Variants in OTOP1 observed in about 807,000 individuals in gnomAD.
The protein encoded by OTOP1 is proton channel OTOP1.
A neutral mutation model predicts 52.9 loss-of-function variants in OTOP1; 59 were observed. The observed-to-expected ratio is 1.12, with a 90% CI of 0.91 to 1.39. The LOEUF is 1.39. Ranked by LOEUF, OTOP1 falls within the 40% of genes most tolerant of loss-of-function variation. The pLI is 0.00. For synonymous variants in OTOP1, 317 were observed against 337.7 expected (o/e 0.94, Z 0.67); for missense variants, 761 against 800.9 (o/e 0.95, Z 0.60).
chr4:4,197,961 G>T lies in OTOP1; in HGVS notation c.873C>A (p.Asn291Lys). The change falls in exon 5 of 6, where the codon AAC (asparagine) becomes AAA (lysine). Residue 291 changes from asparagine to lysine, a missense_variant. Coordinates refer to ENST00000296358, the MANE Select transcript of OTOP1 (RefSeq NM_177998.3). ...GATGGCTGTCAACTTTGCGCCCGAT[G>T]TTCTTCCACAGGACGTAGAGCATTG... ...ASTMLYVLWK[N>K]IGRKVDSHQH... is the part of the protein sequence containing the mutation. 1.9e-6 allele frequency: 3 copies of T among 1,614,060 alleles called. No homozygotes were observed. Among genetic ancestry groups the T allele is most frequent in the Non-Finnish European group, 2.5e-6 (3 of 1,180,022 alleles).
intron 1 of OTOP1, among the ~76,000 whole-genome samples, chr4:4,218,808 A>G (rs1017947299): frequency 5.3e-5 from 8 of 152,190 alleles, no homozygotes; most frequent in Middle Eastern, 6.8e-3. Flanking sequence ...GGGCACCTGT[A>G]GTCCCAGCTA....
intron 4 of OTOP1, among the ~76,000 whole-genome samples, chr4:4,198,403 T>C (rs1300738449): frequency 6.6e-6 from 1 of 151,668 alleles, no homozygotes; most frequent in African/African-American, 2.4e-5. Context: ...GATAGATGGA[T>C]ACACACACAC....
chr4:4,210,418 G>T (rs1434239294), intron 2 of OTOP1, among the ~76,000 whole-genome samples: 1 of 152,194 alleles, frequency 6.6e-6, no homozygotes, highest in African/African-American at 2.4e-5. Flanking sequence ...AGAAATCCAA[G>T]ATCAAGGTGT....
At position 4,204,712 on chromosome 4, in the gene OTOP1, C is replaced by CTGTG. The variant is rs10526016; in HGVS notation, c.599+1356_599+1359dup. Among the ~76,000 whole-genome samples, 464 of 149,984 alleles carry CTGTG rather than the reference C, an allele frequency of 3.1e-3. 2 individuals are homozygous for CTGTG. Among genetic ancestry groups the CTGTG allele is most frequent in the East Asian group, 0.015 (77 of 4,968 alleles). ...TAATCTCAGTGTATGTTTCCTTCAT[C>CTGTG]TGTGTGTGTGTGTGTGTGTGTGTGT... is the stretch of plus-strand genomic sequence containing the variant. On this transcript the variant is annotated intron_variant, in intron 3 of 5. Coordinates refer to ENST00000296358, the MANE Select transcript of OTOP1 (RefSeq NM_177998.3).
At chr4:4,208,723 T>C (rs1449220092) in intron 2 of OTOP1, among the ~76,000 whole-genome samples, 1 of 151,664 alleles carries the variant, frequency 6.6e-6, no homozygotes, top group Non-Finnish European at 1.5e-5. Flanking sequence ...GTACTTAACA[T>C]TACTGAAACG....
intron 5 of OTOP1, 77 bp downstream of exon 5, chr4:4,197,089 T>TGC (rs1460517678): frequency 7.1e-7 from 1 of 1,409,950 alleles, no homozygotes; most frequent in African/African-American, 1.4e-5. Context: ...TTAACAAATC[T>TGC]GCATGTGTAC....
Position 4,198,069 on chromosome 4 carries a change from C to T in OTOP1, c.765G>A (p.Thr255=), listed in dbSNP as rs750671691. The T allele has an allele frequency of 1.8e-5, 29 of 1,613,908 alleles. No individual in the cohort carries two copies. Among genetic ancestry groups the T allele is most frequent in the Admixed American group, 5.0e-5 (3 of 59,986 alleles). ...LDDHTPQCNC[T]PPTLCTAISH... is the part of the protein sequence containing the mutation. ...AGATGGCAGTGCACAGAGTTGGGGG[C>T]GTGCAGTTACACTGCGGTGTGTGGT... Residue 255 remains threonine, a synonymous_variant, in exon 5 of 6, where the codon ACG becomes ACA. Coordinates refer to ENST00000296358, the MANE Select transcript of OTOP1 (RefSeq NM_177998.3).
intron 1 of OTOP1, among the ~76,000 whole-genome samples, chr4:4,219,632 G>A (rs1385669259): frequency 6.6e-6 from 1 of 150,622 alleles, no homozygotes; most frequent in African/African-American, 2.4e-5. Flanking sequence ...AGGAGGCAGA[G>A]CTTACAGTGA....
chr4:4,191,308 G>T (rs1422712380), intron 5 of OTOP1, among the ~76,000 whole-genome samples: 1 of 151,992 alleles, frequency 6.6e-6, no homozygotes, highest in Non-Finnish European at 1.5e-5. Context: ...CCCCCTGCCT[G>T]GTCTCCCAGC....
In OTOP1 at chr4:4,202,308, CG is replaced by C. The variant is rs201804239; in HGVS notation, c.730+139del. ...GGTTTTGGAAGATTTTCAACAACAG[CG>C]GGCTGTCTGGCTGATGCTGAGTTGG... On this transcript the variant is annotated intron_variant, in intron 4 of 5. Coordinates refer to ENST00000296358, the MANE Select transcript of OTOP1 (RefSeq NM_177998.3). The C allele has an allele frequency of 3.4e-3, 3,881 of 1,139,972 alleles. 88 individuals are homozygous for C. In the African/African-American group the frequency reaches 0.051, roughly 15 times the overall value. The allele number at this position is 1,139,972 out of a possible 1,614,324, so 70.6% of individuals were successfully genotyped here. A position where few individuals can be genotyped will look rare whatever the true frequency, so the allele number is the denominator to read the frequency against.
chr4:4,219,722 G>A (rs1717234829), intron 1 of OTOP1, among the ~76,000 whole-genome samples: 1 of 150,066 alleles, frequency 6.7e-6, no homozygotes, highest in Non-Finnish European at 1.5e-5. Flanking sequence ...CATACTGTAT[G>A]AGGAAGATAT....
chr4:4,212,795 G>C, intron 2 of OTOP1, 73 bp downstream of exon 2: 1 of 1,544,996 alleles, frequency 6.5e-7, no homozygotes, highest in South Asian at 1.1e-5. Flanking sequence ...ACGTCTTGAT[G>C]TTACAAGTTT....
chr4:4,225,258 G>A (rs542175802), intron 1 of OTOP1, among the ~76,000 whole-genome samples: 8 of 152,264 alleles, frequency 5.3e-5, no homozygotes, highest in African/African-American at 1.9e-4. Context: ...CCTGCACCAT[G>A]TCTGTCTCCC....
rs1205016526 is a variant in OTOP1 at position 4,202,438 on chromosome 4, C to T, written c.730+10G>A. 2.0e-5 allele frequency: 32 copies of T among 1,612,892 alleles called. No homozygotes were observed. The highest frequency in any genetic ancestry group is 2.7e-5 in the Non-Finnish European group (32 of 1,179,046). On this transcript the variant is annotated intron_variant, in intron 4 of 5. Coordinates refer to ENST00000296358, the MANE Select transcript of OTOP1 (RefSeq NM_177998.3). ...TGGCAGAAGGGCCACTCACCTCTCT[C>T]ACCACTCACCTGTTGTTATGTTCCC...
At chr4:4,209,167 G>T (rs772183694) in intron 2 of OTOP1, among the ~76,000 whole-genome samples, 3 of 152,160 alleles carry the variant, frequency 2.0e-5, no homozygotes, top group Non-Finnish European at 4.4e-5. Flanking sequence ...TCTCAGACAC[G>T]TAGGCAGGAG....
At chr4:4,217,540 G>C (rs1316501651) in intron 1 of OTOP1, among the ~76,000 whole-genome samples, 3 of 152,184 alleles carry the variant, frequency 2.0e-5, no homozygotes, top group Non-Finnish European at 4.4e-5. Flanking sequence ...CCATGGGCCA[G>C]GCATTGTCCC....
At chr4:4,200,473 T>TA (rs140931122) in intron 4 of OTOP1, among the ~76,000 whole-genome samples, 89,368 of 139,690 alleles carry the variant, frequency 0.64, 28,547 homozygotes, top group Non-Finnish European at 0.66. Context: ...AGACTCCGTC[T>TA]AAAAAAAAAA....
chr4:4,192,450 A>T (rs1716533652), intron 5 of OTOP1, among the ~76,000 whole-genome samples: 1 of 152,234 alleles, frequency 6.6e-6, no homozygotes, highest in Admixed American at 6.5e-5. Flanking sequence ...TGAGACAAAA[A>T]CAGTCATGCA....
intron 5 of OTOP1, among the ~76,000 whole-genome samples, chr4:4,194,771 C>T (rs183816202): frequency 1.5e-3 from 236 of 152,304 alleles, no homozygotes; most frequent in African/African-American, 5.3e-3. Flanking sequence ...GACTGGGGCA[C>T]TCCCCTCCAG....
Sources: allele counts gnomAD v4.1 joint callset (sites outside exome capture counted in the v4.1 genomes callset), GRCh38; gene constraint gnomAD v4.1.1; transcripts MANE v1.5; gene names NCBI Gene and HGNC (gene_info 2026-07-23, HGNC 2026-07-21).